SLIT3: variants seen among roughly 807,000 people sequenced by gnomAD.
SLIT3 encodes slit guidance ligand 3, also known as slit homolog 3 protein.
A neutral mutation model predicts 184.0 loss-of-function variants in SLIT3; 68 were observed. That is an observed-to-expected ratio of 0.37 (90% CI 0.30 to 0.45). The LOEUF (loss-of-function observed/expected upper bound fraction) is 0.45, where lower values mean the gene tolerates loss of function less well. Among genes scored for constraint, SLIT3 ranks in the 20% least tolerant of loss-of-function variants. The pLI is 1.00. For synonymous variants in SLIT3, 831 were observed against 828.6 expected (o/e 1.00, Z -0.05); for missense variants, 1,707 against 2,026.0 (o/e 0.84, Z 3.02).
chr5:169,133,339 G>A (rs1344934367), intron 4 of SLIT3, among the ~76,000 whole-genome samples: 1 of 152,186 alleles, frequency 6.6e-6, no homozygotes, highest in East Asian at 1.9e-4. Context: ...TTGGAATCTT[G>A]AGTGGTGAGA....
intron 4 of SLIT3, among the ~76,000 whole-genome samples, chr5:168,999,413 T>G (rs115289941): frequency 1.3e-3 from 186 of 141,926 alleles, no homozygotes; most frequent in African/African-American, 4.4e-3. Flanking sequence ...CCCATAAGGT[T>G]GTTGGATCAA....
intron 4 of SLIT3, among the ~76,000 whole-genome samples, chr5:169,135,115 T>C (rs1761454897): frequency 6.6e-6 from 1 of 152,212 alleles, no homozygotes; most frequent in African/African-American, 2.4e-5. Context: ...TTTGTTTGTT[T>C]GTTTTTTGGA....
At chr5:169,217,071 A>C (rs1764459186) in intron 3 of SLIT3, among the ~76,000 whole-genome samples, 1 of 151,796 alleles carries the variant, frequency 6.6e-6, no homozygotes, top group East Asian at 1.9e-4. Flanking sequence ...TCCTCACTAA[A>C]ATAACATCTG....
intron 3 of SLIT3, among the ~76,000 whole-genome samples, chr5:169,214,239 G>A (rs554761581): frequency 5.8e-4 from 88 of 152,332 alleles, no homozygotes; most frequent in African/African-American, 2.1e-3. Flanking sequence ...GACAACACCC[G>A]CTTCATGGAG....
intron 3 of SLIT3, among the ~76,000 whole-genome samples, chr5:169,201,396 T>C (rs1008684543): frequency 1.3e-5 from 2 of 152,194 alleles, no homozygotes; most frequent in African/African-American, 4.8e-5. Context: ...TATTATGTAA[T>C]AGCAAAACAT....
At chr5:168,872,688 G>C (rs1294061969) in intron 5 of SLIT3, among the ~76,000 whole-genome samples, 1 of 133,090 alleles carries the variant, frequency 7.5e-6, no homozygotes, top group Non-Finnish European at 1.5e-5. Context: ...GCTCAGGCTA[G>C]AGTGCAGTGG....
At chr5:169,000,994 T>C (rs1186382956) in intron 4 of SLIT3, among the ~76,000 whole-genome samples, 2 of 152,256 alleles carry the variant, frequency 1.3e-5, no homozygotes, top group Non-Finnish European at 2.9e-5. Context: ...AGAAGTTTAT[T>C]ACTTTGTCAT....
rs144868608 is a variant in SLIT3, at chr5:169,009,269, A to C, written c.414-125933T>G. Among the ~76,000 whole-genome samples, 70 of 152,304 alleles carry C rather than the reference A, an allele frequency of 4.6e-4. 1 individual carries two copies. Among genetic ancestry groups the C allele is most frequent in the African/African-American group, 1.7e-3 (69 of 41,570 alleles). ...ACCTTTAGAGACCAACAACCTGCTA[A>C]TTCGCTTCTCAGATCCCACATAGCT... On this transcript the variant is annotated intron_variant, in intron 4 of 35. Transcript: ENST00000519560.
At chr5:168,842,219 T>C (rs1221807921) in intron 6 of SLIT3, among the ~76,000 whole-genome samples, 1 of 152,158 alleles carries the variant, frequency 6.6e-6, no homozygotes, top group African/African-American at 2.4e-5. Context: ...GTGCCTCTGC[T>C]GGAAATTAAA....
chr5:168,805,885 T>C (rs1225591497), intron 9 of SLIT3, among the ~76,000 whole-genome samples: 1 of 152,238 alleles, frequency 6.6e-6, no homozygotes, highest in Admixed American at 6.5e-5. Flanking sequence ...ACGTGTAGTA[T>C]TACATTTAGT....
chr5:169,016,964 G>A (rs1371708110), intron 4 of SLIT3, among the ~76,000 whole-genome samples: 1 of 152,110 alleles, frequency 6.6e-6, no homozygotes, highest in Non-Finnish European at 1.5e-5. Context: ...GCAAGAGTGG[G>A]GTTTGAATCC....
intron 4 of SLIT3, among the ~76,000 whole-genome samples, chr5:169,074,467 C>T (rs1758664631): frequency 6.6e-6 from 1 of 152,080 alleles, no homozygotes; most frequent in Non-Finnish European, 1.5e-5. Flanking sequence ...GTGTTTCTAC[C>T]TTCTATGCAC....
intron 4 of SLIT3, among the ~76,000 whole-genome samples, chr5:168,934,554 G>A (rs952462369): frequency 2.0e-5 from 3 of 152,170 alleles, no homozygotes. Flanking sequence ...ACCACAAGAT[G>A]ATGGGAAAGG....
chr5:169,134,614 G>A (rs1360716326), intron 4 of SLIT3, among the ~76,000 whole-genome samples: 3 of 152,166 alleles, frequency 2.0e-5, no homozygotes. Context: ...GCTGGGGGCT[G>A]GGGGAGGGAT....
intron 4 of SLIT3, among the ~76,000 whole-genome samples, chr5:168,987,767 C>T (rs62378609): frequency 0.055 from 8,371 of 152,308 alleles, 266 homozygotes; most frequent in African/African-American, 0.065. Context: ...GGTGGCAGCC[C>T]ACCCATTATG....
intron 3 of SLIT3, among the ~76,000 whole-genome samples, chr5:169,194,272 G>T (rs1374321197): frequency 5.4e-4 from 63 of 116,420 alleles, no homozygotes; most frequent in Admixed American, 3.2e-3. Flanking sequence ...AGAAGAAAAA[G>T]AAACCTTAAA....
At chr5:168,773,044 G>T in intron 13 of SLIT3, 100 bp from the exon 14 acceptor site, 2 of 1,248,316 alleles carry the variant, frequency 1.6e-6, no homozygotes, top group East Asian at 2.4e-5. Flanking sequence ...CCACTGCAAG[G>T]ACTGGCCTCC....
At chr5:168,884,578 A>ATATATATATATATATATATC (rs1760116182) in intron 4 of SLIT3, among the ~76,000 whole-genome samples, 1 of 135,130 alleles carries the variant, frequency 7.4e-6, no homozygotes, top group Admixed American at 7.4e-5. Flanking sequence ...ATATATATAT[A>ATATATATATATATATATATC]TATGAAATTC....
intron 4 of SLIT3, among the ~76,000 whole-genome samples, chr5:169,001,764 A>T (rs1411859906): frequency 6.6e-6 from 1 of 152,204 alleles, no homozygotes; most frequent in Admixed American, 6.5e-5. Flanking sequence ...TCAACAATTT[A>T]AACAAGCCAA....
Sources: gnomAD v4.1 joint callset for allele counts (sites outside exome capture counted in the v4.1 genomes callset) on GRCh38, gnomAD v4.1.1 for gene constraint, MANE v1.5 for transcripts, NCBI Gene and HGNC (gene_info 2026-07-23, HGNC 2026-07-21) for gene names.